Variants in RSRP1 observed in about 807,000 individuals in gnomAD.
RSRP1 encodes the protein arginine/serine-rich protein 1.
Under a neutral mutation model 33.0 loss-of-function variants are expected in RSRP1, and 37 were observed. That is an observed-to-expected ratio of 1.12 (90% CI 0.86 to 1.48). RSRP1 has a LOEUF of 1.48. RSRP1 is among the 40% of genes most tolerant of loss of function. The probability of loss-of-function intolerance (pLI) is 0.00; values close to 1 mark genes in which losing one functional copy is unlikely to be tolerated. For synonymous variants in RSRP1, 167 were observed against 158.7 expected (o/e 1.05, Z -0.40); for missense variants, 402 against 385.3 (o/e 1.04, Z -0.36).
At chr1:25,272,446 G>A in intron 1 of RSRP1, 1 of 1,345,336 alleles carries the variant, frequency 7.4e-7, no homozygotes, top group Non-Finnish European at 1.0e-6. Flanking sequence ...TAAGGCCTTT[G>A]GCGGGTGTCT....
chr1:25,253,369 T>A (rs1212173059), intron 1 of RSRP1: 1 of 152,720 alleles, frequency 6.5e-6, no homozygotes, highest in East Asian at 1.9e-4. Context: ...CATTGTTTTG[T>A]TTTTTTGTTT....
Position 25,302,419 on chromosome 1 carries a change from G to A in RSRP1, c.-67+35559C>T, listed in dbSNP as rs1053939144. ...GGGGGGGCTGGAGTGGAAAGAATGT[G>A]GCCACAGATGACAGCTTCACAGCAG... is the stretch of plus-strand genomic sequence containing the variant. On this transcript the variant is annotated intron_variant, in intron 1 of 1. Transcript: ENST00000561867. Among the ~76,000 whole-genome samples, 12 of 129,022 alleles carry A rather than the reference G, an allele frequency of 9.3e-5. 2 individuals carry two copies. Among genetic ancestry groups the A allele is most frequent in the African/African-American group, 3.2e-4 (12 of 37,270 alleles). The allele number at this position is 129,022 out of a possible 152,430, so 84.6% of individuals were successfully genotyped here. A position where few individuals can be genotyped will look rare whatever the true frequency, so the allele number is the denominator to read the frequency against.
In RSRP1 at chr1:25,244,888, T is replaced by A. The variant is rs76551006; in HGVS notation, c.672+262A>T. Reference sequence around the variant, plus strand: ...TTGTAAACACGCGGTTTTGCCACATTGCCCAGGCTAGTCTTGAACTCCTGG... The same window carrying A: ...TTGTAAACACGCGGTTTTGCCACATAGCCCAGGCTAGTCTTGAACTCCTGG... On this transcript the variant is annotated intron_variant, in intron 3 of 4. Coordinates refer to ENST00000243189, the MANE Select transcript of RSRP1 (RefSeq NM_020317.5). The A allele has an allele frequency of 3.2e-4, 401 of 1,254,328 alleles. 7 individuals are homozygous for A. In the East Asian group the frequency reaches 0.013, roughly 42 times the overall value. The allele number at this position is 1,254,328 out of a possible 1,614,324, so 77.7% of individuals were successfully genotyped here. A position where few individuals can be genotyped will look rare whatever the true frequency, so the allele number is the denominator to read the frequency against.
In RSRP1 at chr1:25,268,547, T is replaced by C. The variant is rs1317495380; in HGVS notation, c.-66-21518A>G. Among the ~76,000 whole-genome samples the C allele has an allele frequency of 3.4e-4, 45 of 130,618 alleles. 8 individuals carry two copies. Among genetic ancestry groups the C allele is most frequent in the African/African-American group, 1.1e-3 (44 of 38,352 alleles). The allele number at this position is 130,618 out of a possible 152,430, so 85.7% of individuals were successfully genotyped here. A position where few individuals can be genotyped will look rare whatever the true frequency, so the allele number is the denominator to read the frequency against. ...AAACCTAAATACACAAGTAAAAATA[T>C]AGACCTCGTCAGATGCTAGTAAGTG... is the stretch of plus-strand genomic sequence containing the variant. On this transcript the variant is annotated intron_variant, in intron 1 of 1. Coordinates refer to the RSRP1 transcript ENST00000561867.
intron 1 of RSRP1, among the ~76,000 whole-genome samples, chr1:25,268,738 A>G (rs558232874): frequency 3.9e-5 from 5 of 129,716 alleles, no homozygotes; most frequent in African/African-American, 1.3e-4. Context: ...ACTTGAGGTC[A>G]GGAGTTCAAG....
rs1175280026 is a variant in RSRP1 at position 25,283,673 on chromosome 1, T to C, written c.-66-36644A>G. On this transcript the variant is annotated intron_variant, in intron 1 of 1. Transcript: ENST00000561867. ...TGTGAGAACGAAACAAGATAGTCTA[T>C]GTAAAGTGATTAAAACAGCGTAGGC... is the stretch of plus-strand genomic sequence containing the variant. Among the ~76,000 whole-genome samples, 12 of 133,830 alleles carry C rather than the reference T, an allele frequency of 9.0e-5. 5 individuals are homozygous for C. Among genetic ancestry groups the C allele is most frequent in the Non-Finnish European group, 2.1e-4 (12 of 56,858 alleles). 87.8% of individuals were successfully genotyped at this position (133,830 alleles called of 152,430 possible).
chr1:25,286,737 G>C lies in RSRP1; in HGVS notation c.-66-39708C>G, dbSNP rs1642043377. ...GGAGGCGGAGTTTGCAGTGAACCGAGATGGTGCCACTGCACTCCAGCCTGG... is the reference window on the plus strand; with the variant it reads ...GGAGGCGGAGTTTGCAGTGAACCGACATGGTGCCACTGCACTCCAGCCTGG... On this transcript the variant is annotated intron_variant, in intron 1 of 1. Coordinates refer to the RSRP1 transcript ENST00000561867. Among the ~76,000 whole-genome samples, 2 of 132,820 alleles carry C rather than the reference G, an allele frequency of 1.5e-5. 1 individual carries two copies. The highest frequency in any genetic ancestry group is 3.5e-5 in the Non-Finnish European group (2 of 56,520). 87.1% of individuals were successfully genotyped at this position (132,820 alleles called of 152,430 possible).
intron 1 of RSRP1, among the ~76,000 whole-genome samples, chr1:25,311,235 C>G (rs539180730): frequency 3.8e-5 from 5 of 132,586 alleles, no homozygotes; most frequent in African/African-American, 1.3e-4. Context: ...CTTAGCTGAA[C>G]TTTTTCTGTG....
upstream of RSRP1, among the ~76,000 whole-genome samples, chr1:25,251,434 A>C (rs1381584847): frequency 4.0e-5 from 6 of 151,310 alleles, no homozygotes; most frequent in Non-Finnish European, 8.8e-5. Context: ...CAATGGCTTG[A>C]TCTTGGCTTA....
In RSRP1 at chr1:25,285,791, C is replaced by G. The variant is rs1040598514; in HGVS notation, c.-66-38762G>C. 1.5e-5 allele frequency among the ~76,000 whole-genome samples: 2 copies of G among 135,092 alleles called. 1 individual carries two copies. The highest frequency in any genetic ancestry group is 5.1e-5 in the African/African-American group (2 of 39,014). 88.6% of individuals were successfully genotyped at this position (135,092 alleles called of 152,430 possible). On this transcript the variant is annotated intron_variant, in intron 1 of 1. Transcript: ENST00000561867. ...TCCTGAAACATTGTTTTGTTTTGTT[C>G]AAACCTCTGAATCCCTGTGCTGCCC... is the stretch of plus-strand genomic sequence containing the variant.
intron 1 of RSRP1, among the ~76,000 whole-genome samples, chr1:25,263,626 T>G (rs868071393): frequency 6.6e-6 from 1 of 151,662 alleles, no homozygotes; most frequent in Non-Finnish European, 1.5e-5. Flanking sequence ...AGGATGAGAT[T>G]TGGGTGGGGA....
intron 3 of RSRP1, chr1:25,244,709 G>A: frequency 8.4e-7 from 1 of 1,185,560 alleles, no homozygotes; most frequent in Non-Finnish European, 1.1e-6. Context: ...TTTTGAGACA[G>A]GGTCTCGCTC....
chr1:25,300,685 T>C lies in RSRP1; in HGVS notation c.-67+37293A>G, dbSNP rs1643316414. Among the ~76,000 whole-genome samples, 2 of 131,382 alleles carry C rather than the reference T, an allele frequency of 1.5e-5. 1 individual carries two copies. Among genetic ancestry groups the C allele is most frequent in the African/African-American group, 5.2e-5 (2 of 38,148 alleles). 86.2% of individuals were successfully genotyped at this position (131,382 alleles called of 152,430 possible). ...TTAGCCCAGCGTAGTGGCGCATGCCTGTAATCCCAGCTACTAGGGAAGCTG... is the reference window on the plus strand; with the variant it reads ...TTAGCCCAGCGTAGTGGCGCATGCCCGTAATCCCAGCTACTAGGGAAGCTG... On this transcript the variant is annotated intron_variant, in intron 1 of 1. Transcript: ENST00000561867.
At chr1:25,304,630 G>C (rs1450244956) in intron 1 of RSRP1, 3 of 130,502 alleles carry the variant, frequency 2.3e-5, no homozygotes, top group Admixed American at 7.4e-5. Context: ...ATACAGAGTG[G>C]AATATTATTT....
chr1:25,262,511 A>C (rs908048533), intron 1 of RSRP1, among the ~76,000 whole-genome samples: 2 of 152,318 alleles, frequency 1.3e-5, no homozygotes, highest in East Asian at 3.9e-4. Flanking sequence ...AGATATATAA[A>C]AGAGGGTTTA....
chr1:25,333,708 C>T (rs1237317541), intron 1 of RSRP1, among the ~76,000 whole-genome samples: 2 of 129,740 alleles, frequency 1.5e-5, no homozygotes, highest in East Asian at 3.9e-4. Context: ...AATGGACTTA[C>T]AGTTCCACAT....
intron 1 of RSRP1, among the ~76,000 whole-genome samples, chr1:25,269,262 T>C (rs1571551277): frequency 7.5e-6 from 1 of 133,146 alleles, no homozygotes; most frequent in Admixed American, 7.3e-5. Flanking sequence ...ATATCTCATG[T>C]AATGTACTGA....
chr1:25,260,914 G>T (rs1640116375), intron 1 of RSRP1, among the ~76,000 whole-genome samples: 1 of 151,270 alleles, frequency 6.6e-6, no homozygotes, highest in African/African-American at 2.4e-5. Flanking sequence ...CAATTCTCCT[G>T]CCTCAGCCTC....
intron 1 of RSRP1, among the ~76,000 whole-genome samples, chr1:25,272,099 C>T (rs1374966330): frequency 8.0e-6 from 1 of 124,648 alleles, no homozygotes; most frequent in Non-Finnish European, 1.9e-5. Flanking sequence ...TGGGTGCCCT[C>T]TCTGTCATGT....
Sources: gnomAD v4.1 joint callset for allele counts (sites outside exome capture counted in the v4.1 genomes callset) on GRCh38, gnomAD v4.1.1 for gene constraint, MANE v1.5 for transcripts, NCBI Gene and HGNC (gene_info 2026-07-23, HGNC 2026-07-21) for gene names.